PSG3: variants seen among roughly 807,000 people sequenced by gnomAD.
PSG3 encodes pregnancy specific beta-1-glycoprotein 3.
PSG3 carries 61 observed loss-of-function variants against 47.5 expected under a neutral mutation model. The ratio of observed to expected loss-of-function variants is 1.28; its 90% CI spans 1.05 to 1.59. The LOEUF (loss-of-function observed/expected upper bound fraction) is 1.59, where lower values mean the gene tolerates loss of function less well. Ranked by LOEUF, PSG3 falls within the 40% of genes most tolerant of loss-of-function variation. The pLI is 0.00. For synonymous variants in PSG3, 263 were observed against 198.4 expected, an observed-to-expected ratio of 1.33 and a Z score of -2.74; for missense variants, 756 against 524.0, an observed-to-expected ratio of 1.44 and a Z score of -4.32.
At chr19:42,740,046 G>T (rs893697917) in intron 1 of PSG3, among the ~76,000 whole-genome samples, 2 of 151,146 alleles carry the variant, frequency 1.3e-5, no homozygotes, top group Non-Finnish European at 2.9e-5. Flanking sequence ...TCTTCCTCCC[G>T]GGTTCACGTG....
At chr19:42,735,899 G>A (rs1467776903) in intron 2 of PSG3, among the ~76,000 whole-genome samples, 1 of 152,200 alleles carries the variant, frequency 6.6e-6, no homozygotes. Flanking sequence ...CTGACACTCT[G>A]GTGAGTCAGT....
intron 1 of PSG3, 190 bp from the exon 2 acceptor site, chr19:42,739,279 G>C (rs542028480): frequency 8.6e-6 from 9 of 1,044,912 alleles, no homozygotes; most frequent in East Asian, 5.1e-5. Flanking sequence ...CCTACTAGGT[G>C]AAGGTCAGCA....
Position 42,732,487 on chromosome 19 carries a change from G to T in PSG3, c.709+297C>A, listed in dbSNP as rs141198407. On this transcript the variant is annotated intron_variant, in intron 3 of 6. Coordinates refer to ENST00000327495, the MANE Select transcript of PSG3 (RefSeq NM_021016.4). ...ACCCTGTGAGCCAAGTTGCAACACT[G>T]AAGTCCCAGCCAAATCCCTGCTGTG... The T allele has an allele frequency of 4.6e-3, 2,943 of 637,744 alleles. 17 individuals are homozygous for T. Among genetic ancestry groups the T allele is most frequent in the Middle Eastern group, 0.021 (51 of 2,478 alleles). 39.5% of individuals were successfully genotyped at this position (637,744 alleles called of 1,614,324 possible).
chr19:42,739,878 C>T (rs113902682), intron 1 of PSG3, among the ~76,000 whole-genome samples: 2,464 of 152,234 alleles, frequency 0.016, 33 homozygotes, highest in African/African-American at 0.028. Flanking sequence ...CTGTTTTGAC[C>T]CCTGTCCCTC....
In PSG3 at chr19:42,740,359, C is replaced by T; in HGVS notation, c.26G>A (p.Cys9Tyr). MGPLSAPP[C>Y]TQRITWKGLL... ...CCCCTTCCAGGTGATGCGCTGTGTG[C>T]AGGGAGGGGCTGAGAGGGGCCCCAT... is the stretch of plus-strand genomic sequence containing the variant. Residue 9 changes from cysteine to tyrosine, a missense_variant, in exon 1 of 7, where the codon TGC (cysteine) becomes TAC (tyrosine). Cys to Tyr is a radical substitution (Grantham distance 194). Coordinates refer to ENST00000327495, the MANE Select transcript of PSG3 (RefSeq NM_021016.4). 1.2e-6 allele frequency: 2 copies of T among 1,613,998 alleles called. No individual in the cohort carries two copies. Among genetic ancestry groups the T allele is most frequent in the East Asian group, 4.5e-5 (2 of 44,872 alleles).
intron 6 of PSG3, 111 bp downstream of exon 6, chr19:42,723,831 G>T: frequency 1.2e-6 from 1 of 836,676 alleles, no homozygotes; most frequent in Non-Finnish European, 2.0e-6. Context: ...GCAGGAGTTA[G>T]TGGAGGAAGG....
chr19:42,732,917 G>A lies in PSG3; in HGVS notation c.576C>T (p.Ser192=), dbSNP rs201386212. 3.4e-4 allele frequency: 555 copies of A among 1,614,000 alleles called. No individual in the cohort carries two copies. Among genetic ancestry groups the A allele is most frequent in the Non-Finnish European group, 4.0e-4 (470 of 1,180,008 alleles). Residue 192 remains serine, a synonymous_variant, in exon 3 of 7, where the codon AGC becomes AGT. Coordinates refer to ENST00000327495, the MANE Select transcript of PSG3 (RefSeq NM_021016.4). ...TCCTTTTGTTTTTGGACAACTGCAA[G>A]CTGTGAGTCATAGGGAGGCTCTGAC... The part of the protein sequence containing the change: ...MNGQSLPMTH[S]LQLSKNKRTL...
intron 2 of PSG3, chr19:42,733,755 G>A (rs2353142): frequency 2.6e-4 from 40 of 153,012 alleles, no homozygotes; most frequent in South Asian, 6.2e-4. Context: ...ACAGGCAAGA[G>A]CTGATAGCTT....
In PSG3 at chr19:42,724,042, A is replaced by G; in HGVS notation, c.1244-17T>C. On this transcript the variant is annotated splice_polypyrimidine_tract_variant and intron_variant, in intron 5 of 6. Coordinates refer to ENST00000327495, the MANE Select transcript of PSG3 (RefSeq NM_021016.4). ...CTGAAGGAGCTGTCATGGAAAAAAA[A>G]GAAAAGAAGGAATGAAGATGATGTT... 6.2e-7 allele frequency: 1 copy of G among 1,606,466 alleles called. No homozygotes were observed. The highest frequency in any genetic ancestry group is 8.5e-7 in the Non-Finnish European group (1 of 1,173,078).
Position 42,733,042 on chromosome 19 carries a change from T to C in PSG3, c.451A>G (p.Ile151Val). 1 of 1,614,074 alleles carries C rather than the reference T, an allele frequency of 6.2e-7. No individual in the cohort carries two copies. Among genetic ancestry groups the C allele is most frequent in the Non-Finnish European group, 8.5e-7 (1 of 1,179,998 alleles). ...TLYLETPKPS[I>V]SSSNLYPRED... ...CTGGGGTATAAGTTGCTGCTGGAGA[T>C]GGAGGGCTTGGGAGTCTCCACTGTG... Residue 151 changes from isoleucine to valine, a missense_variant, in exon 3 of 7, where the codon ATC (isoleucine) becomes GTC (valine). Ile to Val is a conservative substitution (Grantham distance 29). Transcript: ENST00000327495.
intron 5 of PSG3, among the ~76,000 whole-genome samples, chr19:42,727,154 G>A (rs1186614806): frequency 6.6e-6 from 1 of 152,026 alleles, no homozygotes; most frequent in African/African-American, 2.4e-5. Flanking sequence ...TAAATGTAAG[G>A]GCAAAAACTA....
chr19:42,727,489 C>A lies in PSG3; in HGVS notation c.1243+1634G>T, dbSNP rs1209950445. On this transcript the variant is annotated intron_variant, in intron 5 of 6. Transcript: ENST00000327495. ...TTCTCCAAGGAAGATATACAAATAT[C>A]AAATAAGCCCATGCAAAGTTCCTCA... 2.6e-5 allele frequency among the ~76,000 whole-genome samples: 4 copies of A among 152,144 alleles called. No individual in the cohort carries two copies. The South Asian group carries it at 8.3e-4, about 32-fold the overall frequency.
At chr19:42,733,243 T>A in intron 2 of PSG3, 181 bp from the exon 3 acceptor site, 2 of 1,324,816 alleles carry the variant, frequency 1.5e-6, no homozygotes, top group Non-Finnish European at 2.0e-6. Flanking sequence ...ATTGTGAGGC[T>A]GCCTGCTTCG....
At position 42,738,574 on chromosome 19, in the gene PSG3, C is replaced by G. The variant is rs374787166; in HGVS notation, c.430+150G>C. On this transcript the variant is annotated intron_variant, in intron 2 of 6. Transcript: ENST00000327495. ...AATTCTGATCTGTTGAAATTTGTCTCTTCTGTGTGTGTCCTGCACTAAATG... is the reference window on the plus strand; with the variant it reads ...AATTCTGATCTGTTGAAATTTGTCTGTTCTGTGTGTGTCCTGCACTAAATG... 1.3e-4 allele frequency: 193 copies of G among 1,490,844 alleles called. 1 individual carries two copies. In the South Asian group the frequency reaches 1.4e-3, roughly 11 times the overall value. 92.4% of individuals were successfully genotyped at this position (1,490,844 alleles called of 1,614,324 possible). A position where few individuals can be genotyped will look rare whatever the true frequency, so the allele number is the denominator to read the frequency against.
Position 42,729,177 on chromosome 19 carries a change from G to T in PSG3, c.1189C>A (p.Arg397Ser). ...KHSGLYACSVRNSATGMESSK... is the reference protein window; with the variant it reads ...KHSGLYACSVSNSATGMESSK... Reference sequence around the variant, plus strand: ...CTTTCCATGCCAGTGGCTGAGTTACGAACAGAGCAAGCATAGAGCCCGCTA... The same window carrying T: ...CTTTCCATGCCAGTGGCTGAGTTACTAACAGAGCAAGCATAGAGCCCGCTA... Residue 397 changes from arginine (R) to serine (S), a missense_variant, in exon 5 of 7, where the codon CGT becomes AGT. Transcript: ENST00000327495. The T allele has an allele frequency of 1.2e-6, 2 of 1,613,956 alleles. No homozygotes were observed. The highest frequency in any genetic ancestry group is 1.1e-5 in the South Asian group (1 of 91,072).
chr19:42,727,760 T>A (rs1568747411), intron 5 of PSG3, among the ~76,000 whole-genome samples: 1 of 152,318 alleles, frequency 6.6e-6, no homozygotes, highest in East Asian at 1.9e-4. Context: ...GATCCAGCAA[T>A]TCCACTTCTG....
chr19:42,737,588 C>G (rs1444405316), intron 2 of PSG3, among the ~76,000 whole-genome samples: 1 of 152,128 alleles, frequency 6.6e-6, no homozygotes, highest in Admixed American at 6.5e-5. Flanking sequence ...TTCTGGAATA[C>G]AGACTAATCA....
chr19:42,734,951 TAGAA>T (rs201661160), intron 2 of PSG3, among the ~76,000 whole-genome samples: 24 of 152,326 alleles, frequency 1.6e-4, no homozygotes, highest in East Asian at 1.5e-3. Context: ...TTGTGTGAAT[TAGAA>T]AGAGTCTAAG....
Position 42,723,932 on chromosome 19 carries a change from G to T in PSG3, c.*40+10C>A, listed in dbSNP as rs779583021. ...TGCAGGAACCAGGATAAGAGGAAAG[G>T]TCATCATACCTGCCAGTCTTCCTGA... is the stretch of plus-strand genomic sequence containing the variant. On this transcript the variant is annotated intron_variant, in intron 6 of 6. Coordinates refer to ENST00000327495, the MANE Select transcript of PSG3 (RefSeq NM_021016.4). The T allele has an allele frequency of 1.9e-6, 3 of 1,556,612 alleles. No homozygotes were observed. The highest frequency in any genetic ancestry group is 1.1e-5 in the South Asian group (1 of 89,880).
Sources: allele counts gnomAD v4.1 joint callset (sites outside exome capture counted in the v4.1 genomes callset), GRCh38; gene constraint gnomAD v4.1.1; transcripts MANE v1.5; gene names NCBI Gene and HGNC (gene_info 2026-07-23, HGNC 2026-07-21).